The following ANKRD35 variants were observed in gnomAD, a reference collection of about 807,000 sequenced individuals.
ANKRD35 encodes the protein ankyrin repeat domain-containing protein 35.
Under a neutral mutation model 109.9 loss-of-function variants are expected in ANKRD35, and 102 were observed. That is an observed-to-expected ratio of 0.93 (90% CI 0.79 to 1.09). The LOEUF is 1.09. Among genes scored for constraint, ANKRD35 ranks in the 50% least tolerant of loss-of-function variants. The probability of loss-of-function intolerance (pLI) is 0.00; values close to 1 mark genes in which losing one functional copy is unlikely to be tolerated. For missense variants in ANKRD35, 1,240 were observed against 1,230.1 expected, an observed-to-expected ratio of 1.01 and a Z score of -0.12; for synonymous variants, 515 against 512.4, an observed-to-expected ratio of 1.01 and a Z score of -0.07.
chr1:145,884,907 C>G (rs1489906255), intron 1 of ANKRD35, among the ~76,000 whole-genome samples: 1 of 152,212 alleles, frequency 6.6e-6, no homozygotes, highest in Non-Finnish European at 1.5e-5. Flanking sequence ...AGGCAACTCA[C>G]CCAGTCCTCT....
chr1:145,867,722 G>T (rs1299552453), intron 12 of ANKRD35, among the ~76,000 whole-genome samples: 2 of 152,120 alleles, frequency 1.3e-5, no homozygotes, highest in Non-Finnish European at 2.9e-5. Context: ...AGTGGCTCCA[G>T]GAGGAGACTG....
Position 145,873,870 on chromosome 1 carries a change from C to T in ANKRD35, c.899G>A (p.Trp300Ter), listed in dbSNP as rs1292703445. ...TTTCCTCCGCTCCTCTTCATACTTCCACCTCCACTCCTCCGAGCACGGGTC... is the reference window on the plus strand; with the variant it reads ...TTTCCTCCGCTCCTCTTCATACTTCTACCTCCACTCCTCCGAGCACGGGTC... ...DEDPCSEEWR[W>*]KYEEERRKVV... Residue 300 changes from tryptophan to a stop codon, truncating the protein, a stop_gained, in exon 10 of 14, where the codon TGG (tryptophan) becomes TAG (stop). Transcript: ENST00000355594. LOFTEE classifies it high-confidence loss of function. The T allele has an allele frequency of 5.0e-6, 8 of 1,613,844 alleles. No homozygotes were observed. The African/African-American group carries it at 9.3e-5, about 19-fold the overall frequency.
At chr1:145,867,571 T>A (rs1653654539) in intron 12 of ANKRD35, among the ~76,000 whole-genome samples, 179 bp from the exon 13 acceptor site, 3 of 152,184 alleles carry the variant, frequency 2.0e-5, no homozygotes, top group Non-Finnish European at 4.4e-5. Context: ...TGATGTCTAC[T>A]TTTCAGGATT....
At chr1:145,879,989 A>T (rs12402714) in intron 1 of ANKRD35, among the ~76,000 whole-genome samples, 44,782 of 152,050 alleles carry the variant, frequency 0.29, 7,350 homozygotes, top group Non-Finnish European at 0.37. Context: ...CTGTTTTCCC[A>T]TATCATATCT....
At position 145,868,361 on chromosome 1, in the gene ANKRD35, C is replaced by A. The variant is rs782657181; in HGVS notation, c.2827G>T (p.Glu943Ter). 1.9e-6 allele frequency: 3 copies of A among 1,614,138 alleles called. No individual in the cohort carries two copies. Among genetic ancestry groups the A allele is most frequent in the South Asian group, 1.1e-5 (1 of 91,094 alleles). ...TTTTCTCCCCGAATTGCTAGAACCT[C>A]TTCTGAAAGCTGCTCCAGCTTCTTC... ...LLKKLEQLSE[E>*]VLAIRGENAR... Residue 943 changes from glutamate to a stop codon, truncating the protein, a stop_gained, in exon 11 of 14, where the codon GAG (glutamate) becomes TAG (stop). Coordinates refer to ENST00000355594, the MANE Select transcript of ANKRD35 (RefSeq NM_144698.5). LOFTEE classifies it high-confidence loss of function.
Position 145,873,486 on chromosome 1 carries a change from G to A in ANKRD35, c.1283C>T (p.Pro428Leu). The A allele has an allele frequency of 6.2e-7, 1 of 1,614,040 alleles. No individual in the cohort carries two copies. The highest frequency in any genetic ancestry group is 1.1e-5 in the South Asian group (1 of 91,074). ...GRSQPEEQGP[P>L]QSPASETIRK... ...GATGGTCTCAGACGCTGGGCTCTGG[G>A]GTGGCCCCTGTTCTTCTGGTTGGGA... The change falls in exon 10 of 14, where the codon CCC becomes CTC. Residue 428 changes from proline (P) to leucine (L), a missense_variant. Physicochemically the swap from Pro to Leu is moderately conservative, Grantham distance 98. Transcript: ENST00000355594.
rs1653866982 is a variant in ANKRD35, at chr1:145,872,444, T to G, written c.2325A>C (p.Ala775=). ...REPGTSLKAP[A]SPQVAALEQD... ...GCTCCAGAGCGGCCACTTGGGGGGA[T>G]GCTGGGGCCTTTAAGGAGGTGCCTG... The change falls in exon 10 of 14, where the codon GCA becomes GCC. Residue 775 remains alanine, a synonymous_variant. Transcript: ENST00000355594. 1 of 1,609,502 alleles carries G rather than the reference T, an allele frequency of 6.2e-7. No homozygotes were observed.
At chr1:145,880,559 C>A (rs1654249551) in intron 1 of ANKRD35, among the ~76,000 whole-genome samples, 1 of 152,110 alleles carries the variant, frequency 6.6e-6, no homozygotes, top group South Asian at 2.1e-4. Context: ...CTGTAAAGAG[C>A]CATACAAATA....
intron 3 of ANKRD35, 33 bp from the exon 4 acceptor site, chr1:145,878,065 G>A (rs1553740461): frequency 3.1e-6 from 5 of 1,591,346 alleles, no homozygotes; most frequent in Admixed American, 3.3e-5. Context: ...AGGAGGGTAG[G>A]TGGCCCCATG....
In ANKRD35 at chr1:145,867,282, C is replaced by T. The variant is rs1553737871; in HGVS notation, c.*43+5G>A. 2 of 1,578,040 alleles carry T rather than the reference C, an allele frequency of 1.3e-6. No homozygotes were observed. Among genetic ancestry groups the T allele is most frequent in the Non-Finnish European group, 1.7e-6 (2 of 1,147,652 alleles). On this transcript the variant is annotated splice_donor_5th_base_variant and intron_variant, in intron 13 of 13. Coordinates refer to ENST00000355594, the MANE Select transcript of ANKRD35 (RefSeq NM_144698.5). The stretch of plus-strand genomic sequence containing the variant: ...TTCCCTCATCACCCTTAACCCACAA[C>T]TCACAACAGAGAATCTCGTATCCCT...
chr1:145,874,911 C>T lies in ANKRD35; in HGVS notation c.656G>A (p.Gly219Glu), dbSNP rs944819775. 3 of 1,613,752 alleles carry T rather than the reference C, an allele frequency of 1.9e-6. No homozygotes were observed. Among genetic ancestry groups the T allele is most frequent in the Non-Finnish European group, 2.5e-6 (3 of 1,179,862 alleles). Reference sequence around the variant, plus strand: ...CAGAGCATAGTGCAGAGCATCATGCCCTGTGCTGTCCACAGCCCCCGCGTC... The same window carrying T: ...CAGAGCATAGTGCAGAGCATCATGCTCTGTGCTGTCCACAGCCCCCGCGTC... Reference protein sequence around the residue: ...GADAGAVDSTGHDALHYALHT... With the variant: ...GADAGAVDSTEHDALHYALHT... The change falls in exon 8 of 14, where the codon GGG becomes GAG. Residue 219 changes from glycine to glutamate, a missense_variant. Coordinates refer to ENST00000355594, the MANE Select transcript of ANKRD35 (RefSeq NM_144698.5).
In ANKRD35 at chr1:145,867,981, C is replaced by T. The variant is rs1653667832; in HGVS notation, c.2943+10G>A. 1 of 1,613,922 alleles carries T rather than the reference C, an allele frequency of 6.2e-7. No individual in the cohort carries two copies. Among genetic ancestry groups the T allele is most frequent in the Non-Finnish European group, 8.5e-7 (1 of 1,179,792 alleles). ...TGTCTATACCTCCCTCAAAACTCCA[C>T]CATGCTCACCCGAGCAGCATTCAGT... On this transcript the variant is annotated intron_variant, in intron 12 of 13. Coordinates refer to ENST00000355594, the MANE Select transcript of ANKRD35 (RefSeq NM_144698.5).
intron 1 of ANKRD35, among the ~76,000 whole-genome samples, chr1:145,880,664 G>A (rs1158815844): frequency 5.3e-5 from 8 of 152,144 alleles, no homozygotes; most frequent in Non-Finnish European, 1.2e-4. Context: ...GCTATAGAAA[G>A]GGGTGAAGAA....
chr1:145,867,389 AAC>A lies in ANKRD35; in HGVS notation c.2945_2946del (p.Gly982ValfsTer5), dbSNP rs1653645168. 6.2e-7 allele frequency: 1 copy of A among 1,613,710 alleles called. No individual in the cohort carries two copies. Among genetic ancestry groups the A allele is most frequent in the African/African-American group, 1.3e-5 (1 of 74,906 alleles). On this transcript the variant is annotated frameshift_variant and splice_region_variant, in exon 13 of 14. Coordinates refer to ENST00000355594, the MANE Select transcript of ANKRD35 (RefSeq NM_144698.5). LOFTEE classifies it high-confidence loss of function. ...YRNHLLNAARGYMEHEVYNIL... is the reference protein window; with the variant it reads ...YRNHLLNAARXYMEHEVYNIL... ...ATATTGTACACTTCATGTTCCATGT[AAC>A]CCTGTAGATGTCAGGAAAGGAAGAA...
chr1:145,872,041 C>G lies in ANKRD35; in HGVS notation c.2728G>C (p.Glu910Gln), dbSNP rs782402288. 1.2e-6 allele frequency: 2 copies of G among 1,613,648 alleles called. No homozygotes were observed. Among genetic ancestry groups the G allele is most frequent in the Non-Finnish European group, 1.7e-6 (2 of 1,179,976 alleles). ...TGCTCCATCTTCTCTTTCAGCAGCT[C>G]TGCCGTTTTCTCAAACTGCTCGGAG... Reference protein sequence around the residue: ...GRSEQFEKTAELLKEKMEHLI... With the variant: ...GRSEQFEKTAQLLKEKMEHLI... Residue 910 changes from glutamate to glutamine, a missense_variant, in exon 10 of 14, where the codon GAG becomes CAG. Coordinates refer to ENST00000355594, the MANE Select transcript of ANKRD35 (RefSeq NM_144698.5).
Position 145,868,052 on chromosome 1 carries a change from G to C in ANKRD35, c.2882C>G (p.Ser961Cys). ...GATGATCTCTTCATGGTTCTTCTGG[G>C]AATCCTGGGAATGAACATCAATGGG... ...NARLALQLQD[S>C]QKNHEEIIST... Residue 961 changes from serine to cysteine, a missense_variant, in exon 12 of 14, where the codon TCC becomes TGC. Ser to Cys is a moderately radical substitution (Grantham distance 112). Transcript: ENST00000355594. 6.2e-7 allele frequency: 1 copy of C among 1,613,972 alleles called. No individual in the cohort carries two copies. The highest frequency in any genetic ancestry group is 8.5e-7 in the Non-Finnish European group (1 of 1,179,950).
Position 145,873,711 on chromosome 1 carries a change from C to G in ANKRD35, c.1058G>C (p.Arg353Thr). The change falls in exon 10 of 14, where the codon AGA becomes ACA. Residue 353 changes from arginine (R) to threonine (T), a missense_variant. By Grantham distance (71) the Arg-to-Thr change is moderately conservative. Coordinates refer to ENST00000355594, the MANE Select transcript of ANKRD35 (RefSeq NM_144698.5). Reference sequence around the variant, plus strand: ...ACTAGAGCCTTGCTTTCCTGAAGCTCTGGGCTCCCAGGATAGGAGGACCCC... The same window carrying G: ...ACTAGAGCCTTGCTTTCCTGAAGCTGTGGGCTCCCAGGATAGGAGGACCCC... ...ELGVLLSWEP[R>T]ASGKQGSSLR... is the part of the protein sequence containing the mutation. 6.2e-7 allele frequency: 1 copy of G among 1,614,046 alleles called. No individual in the cohort carries two copies. Among genetic ancestry groups the G allele is most frequent in the Non-Finnish European group, 8.5e-7 (1 of 1,179,958 alleles).
intron 10 of ANKRD35, among the ~76,000 whole-genome samples, chr1:145,870,843 T>C (rs1362534160): frequency 2.6e-5 from 4 of 151,614 alleles, no homozygotes; most frequent in Non-Finnish European, 5.9e-5. Context: ...CCTCAGCCTC[T>C]TGGGAGCTGG....
chr1:145,879,329 C>T lies in ANKRD35; in HGVS notation c.99G>A (p.Val33=), dbSNP rs781932122. Residue 33 remains valine, a synonymous_variant, in exon 2 of 14, where the codon GTG becomes GTA. Transcript: ENST00000355594. ...KLLEAVHRGD[V]GRVAALASRK... ...TGGAGGCCAGGGCAGCCACGCGTCCCACATCCCCCCTGTGCACTGCCTCCA... is the reference window on the plus strand; with the variant it reads ...TGGAGGCCAGGGCAGCCACGCGTCCTACATCCCCCCTGTGCACTGCCTCCA... The T allele has an allele frequency of 6.2e-7, 1 of 1,610,548 alleles. No homozygotes were observed. Among genetic ancestry groups the T allele is most frequent in the Non-Finnish European group, 8.5e-7 (1 of 1,178,614 alleles).
Sources: gnomAD v4.1 joint callset for allele counts (sites outside exome capture counted in the v4.1 genomes callset) on GRCh38, gnomAD v4.1.1 for gene constraint, MANE v1.5 for transcripts, NCBI Gene and HGNC (gene_info 2026-07-23, HGNC 2026-07-21) for gene names.